CAPN9: variants seen among roughly 807,000 people sequenced by gnomAD.
The protein encoded by CAPN9 is calpain-9.
In CAPN9, 81 loss-of-function variants were observed where a neutral mutation model predicts 92.8. The ratio of observed to expected loss-of-function variants is 0.87; its 90% CI spans 0.73 to 1.05. The LOEUF (loss-of-function observed/expected upper bound fraction) is 1.05. Ranked by LOEUF, CAPN9 falls within the 50% of genes least tolerant of loss-of-function variation. The pLI is 0.00. For synonymous variants in CAPN9, 304 were observed against 328.0 expected (o/e 0.93, Z 0.79); for missense variants, 848 against 866.2 (o/e 0.98, Z 0.26).
At chr1:230,758,652 T>C (rs1392201455) in intron 2 of CAPN9, among the ~76,000 whole-genome samples, 1 of 152,198 alleles carries the variant, frequency 6.6e-6, no homozygotes, top group Non-Finnish European at 1.5e-5. Context: ...CCCAGTGACA[T>C]ACGGTGCTTT....
rs550590293 is a variant in CAPN9, at chr1:230,761,398, C to A, written c.403-1255C>A. On this transcript the variant is annotated intron_variant, in intron 3 of 19. Coordinates refer to ENST00000271971, the MANE Select transcript of CAPN9 (RefSeq NM_006615.3). ...GAAAGCCAGCCCTGAGGCTCCTCCC[C>A]ACTGCTCCCCTGCTCAGGAACCCCA... is the stretch of plus-strand genomic sequence containing the variant. 2.0e-5 allele frequency among the ~76,000 whole-genome samples: 3 copies of A among 152,234 alleles called. No individual in the cohort carries two copies. In the East Asian group the frequency reaches 5.8e-4, roughly 30 times the overall value.
rs201665088 is a variant in CAPN9, at chr1:230,779,137, G to T, written c.1114+4G>T. On this transcript the variant is annotated splice_donor_region_variant and intron_variant, in intron 9 of 19. Transcript: ENST00000271971. ...GGGGGCTGCCGCAATTTCCTGGGTA[G>T]GTAGGCTGCCTGTCACTCTCTCTGC... The T allele has an allele frequency of 4.6e-5, 74 of 1,611,872 alleles. No individual in the cohort carries two copies. In the East Asian group the frequency reaches 1.6e-3, roughly 35 times the overall value.
chr1:230,792,338 C>T (rs1040371975), intron 15 of CAPN9, 88 bp from the exon 16 acceptor site: 2 of 1,128,136 alleles, frequency 1.8e-6, no homozygotes, highest in African/African-American at 1.5e-5. Context: ...CCCATCGGCC[C>T]TCCCCCTCTG....
intron 4 of CAPN9, among the ~76,000 whole-genome samples, chr1:230,766,752 A>T (rs913306126): frequency 6.6e-6 from 1 of 152,186 alleles, no homozygotes; most frequent in African/African-American, 2.4e-5. Flanking sequence ...ATTCAATTGG[A>T]CTCACAGTTC....
chr1:230,796,073 C>T (rs1168991429), intron 18 of CAPN9, among the ~76,000 whole-genome samples: 2 of 150,788 alleles, frequency 1.3e-5, no homozygotes, highest in Non-Finnish European at 1.5e-5. Flanking sequence ...TGGCTCACGC[C>T]TGTAATCCCA....
In CAPN9 at chr1:230,793,022, A is replaced by G. The variant is rs2102931968; in HGVS notation, c.1870+94A>G. The G allele has an allele frequency of 5.3e-6, 5 of 943,846 alleles. No individual in the cohort carries two copies. The Middle Eastern group carries it at 6.8e-4, about 129-fold the overall frequency. 58.5% of individuals were successfully genotyped at this position (943,846 alleles called of 1,614,324 possible). A position where few individuals can be genotyped will look rare whatever the true frequency, so the allele number is the denominator to read the frequency against. On this transcript the variant is annotated intron_variant, in intron 17 of 19. Transcript: ENST00000271971. ...ATGGCAGGTCTTCTCTCTGCTGCCC[A>G]GGAGGTGGGCCTCTGAGCCCAGTTG...
intron 5 of CAPN9, 63 bp downstream of exon 5, chr1:230,767,772 A>G (rs1666087430): frequency 7.3e-6 from 11 of 1,497,712 alleles, no homozygotes; most frequent in Non-Finnish European, 1.0e-5. Flanking sequence ...CATTCCAGGC[A>G]CTATGCTGGG....
chr1:230,759,528 A>G lies in CAPN9; in HGVS notation c.300A>G (p.Leu100=), dbSNP rs771940969. 1 of 1,609,210 alleles carries G rather than the reference A, an allele frequency of 6.2e-7. No homozygotes were observed. Among genetic ancestry groups the G allele is most frequent in the Non-Finnish European group, 8.5e-7 (1 of 1,178,248 alleles). The change falls in exon 3 of 20, where the codon TTA becomes TTG. Residue 100 remains leucine, a synonymous_variant. Transcript: ENST00000271971. ...CQGELGDCWL[L]AAIASLTLNQ... ...ATTTTGCAGGAGACTGCTGGCTATT[A>G]GCCGCCATCGCCTCCCTTACGCTTA...
intron 19 of CAPN9, among the ~76,000 whole-genome samples, chr1:230,799,094 T>A (rs1265324034): frequency 6.6e-6 from 1 of 152,220 alleles, no homozygotes; most frequent in African/African-American, 2.4e-5. Context: ...CCAGGCAGCC[T>A]GTGGCTCCTC....
chr1:230,782,677 A>G (rs1667307389), intron 11 of CAPN9, among the ~76,000 whole-genome samples: 1 of 152,138 alleles, frequency 6.6e-6, no homozygotes, highest in African/African-American at 2.4e-5. Flanking sequence ...GGAATCAGGA[A>G]TTTACATCTG....
chr1:230,752,864 GGTGACAGATGAGGATGCAGCC>G (rs1372943289), intron 1 of CAPN9: 1 of 190,682 alleles, frequency 5.2e-6, no homozygotes, highest in Non-Finnish European at 9.7e-6. Context: ...TGTCTAAGCT[GGTGACAGATGAGGATGCAGCC>G]GTGAGAAGTT....
Position 230,779,038 on chromosome 1 carries a change from C to G in CAPN9, c.1019C>G (p.Ala340Gly), listed in dbSNP as rs1393828497. Residue 340 changes from alanine (A) to glycine (G), a missense_variant, in exon 9 of 20, where the codon GCC (alanine) becomes GGC (glycine). Physicochemically the swap from Ala to Gly is moderately conservative, Grantham distance 60. Coordinates refer to ENST00000271971, the MANE Select transcript of CAPN9 (RefSeq NM_006615.3). The stretch of plus-strand genomic sequence containing the variant: ...GAGATCTGCAACCTCACTCCCGATG[C>G]CCTGGAGGAAGACGCGATCCACAAA... ...KVEICNLTPDALEEDAIHKWE... is the reference protein window; with the variant it reads ...KVEICNLTPDGLEEDAIHKWE... 1 of 1,613,382 alleles carries G rather than the reference C, an allele frequency of 6.2e-7. No individual in the cohort carries two copies. The highest frequency in any genetic ancestry group is 1.7e-5 in the Admixed American group (1 of 59,992).
chr1:230,764,752 C>A (rs976548310), intron 4 of CAPN9, among the ~76,000 whole-genome samples: 1 of 152,118 alleles, frequency 6.6e-6, no homozygotes, highest in Non-Finnish European at 1.5e-5. Flanking sequence ...TGGTGGATGG[C>A]GGGAGCCGAG....
At chr1:230,785,247 A>G (rs1667505778) in intron 11 of CAPN9, among the ~76,000 whole-genome samples, 1 of 152,148 alleles carries the variant, frequency 6.6e-6, no homozygotes, top group South Asian at 2.1e-4. Context: ...GAGACTTTGG[A>G]CTTTGGAATT....
At chr1:230,795,630 C>G (rs928287648) in intron 18 of CAPN9, 6 of 228,424 alleles carry the variant, frequency 2.6e-5, no homozygotes, top group African/African-American at 1.1e-4. Context: ...CCTTCCTCCC[C>G]CCTTCCCCGC....
At chr1:230,778,228 T>C (rs938401634) in intron 8 of CAPN9, among the ~76,000 whole-genome samples, 1 of 152,118 alleles carries the variant, frequency 6.6e-6, no homozygotes, top group Admixed American at 6.5e-5. Context: ...GCAAATCCTA[T>C]AAAATTTACC....
chr1:230,785,962 T>A lies in CAPN9; in HGVS notation c.1482-19T>A, dbSNP rs1667552592. 6.2e-7 allele frequency: 1 copy of A among 1,612,342 alleles called. No homozygotes were observed. Among genetic ancestry groups the A allele is most frequent in the Non-Finnish European group, 8.5e-7 (1 of 1,178,482 alleles). The stretch of plus-strand genomic sequence containing the variant: ...AAGTTAATCCACAATTGAGGCAGTG[T>A]GTTTTTCTGCCCCTACAGGGATATG... On this transcript the variant is annotated intron_variant, in intron 11 of 19. Transcript: ENST00000271971.
intron 4 of CAPN9, 38 bp downstream of exon 4, chr1:230,762,824 C>G: frequency 6.2e-7 from 1 of 1,604,184 alleles, no homozygotes; most frequent in Non-Finnish European, 8.5e-7. Context: ...AGCCTCCCGA[C>G]AGGAGTCTCT....
Position 230,747,687 on chromosome 1 carries a change from C to T in CAPN9, c.191C>T (p.Pro64Leu). 6.2e-7 allele frequency: 1 copy of T among 1,614,198 alleles called. No homozygotes were observed. Among genetic ancestry groups the T allele is most frequent in the Non-Finnish European group, 8.5e-7 (1 of 1,180,030 alleles). ...TTCTACAGTGAGAGGCCGCAGATCCCCTTTGTGTGGAAACGACCAGGGGTG... is the reference window on the plus strand; with the variant it reads ...TTCTACAGTGAGAGGCCGCAGATCCTCTTTGTGTGGAAACGACCAGGGGTG... ...SLFYSERPQIPFVWKRPGEIV... is the reference protein window; with the variant it reads ...SLFYSERPQILFVWKRPGEIV... Residue 64 changes from proline to leucine, a missense_variant, in exon 1 of 20, where the codon CCC (proline) becomes CTC (leucine). Transcript: ENST00000271971.
Sources: gnomAD v4.1 joint callset for allele counts (sites outside exome capture counted in the v4.1 genomes callset) on GRCh38, gnomAD v4.1.1 for gene constraint, MANE v1.5 for transcripts, NCBI Gene and HGNC (gene_info 2026-07-23, HGNC 2026-07-21) for gene names.